CYP19A1: variants seen among roughly 807,000 people sequenced by gnomAD.
The protein encoded by CYP19A1 is cytochrome P450 family 19 subfamily A member 1.
In CYP19A1, 32 loss-of-function variants were observed where a neutral mutation model predicts 44.4. The observed-to-expected ratio is 0.72, with a 90% confidence interval of 0.54 to 0.97. The LOEUF is 0.97. CYP19A1 is among the 50% of genes least tolerant of loss of function. The pLI, the probability that CYP19A1 is intolerant of heterozygous loss-of-function variation, is 0.00. For missense variants in CYP19A1, 598 were observed against 637.8 expected, an observed-to-expected ratio of 0.94 and a Z score of 0.67; for synonymous variants, 212 against 215.6, an observed-to-expected ratio of 0.98 and a Z score of 0.14.
intron 1 of CYP19A1, among the ~76,000 whole-genome samples, chr15:51,331,565 T>C (rs2036701688): frequency 1.3e-5 from 2 of 152,030 alleles, no homozygotes; most frequent in African/African-American, 4.8e-5. Context: ...AGAGCATATG[T>C]ATTTGTATGA....
chr15:51,325,836 C>CAA (rs61378264), intron 1 of CYP19A1, among the ~76,000 whole-genome samples: 9 of 57,168 alleles, frequency 1.6e-4, no homozygotes, highest in Non-Finnish European at 2.4e-4. Flanking sequence ...GACTCCGTCT[C>CAA]AAAAAAAAAA....
chr15:51,212,927 C>T (rs1391276584), intron 8 of CYP19A1, among the ~76,000 whole-genome samples: 2 of 152,174 alleles, frequency 1.3e-5, no homozygotes, highest in Non-Finnish European at 2.9e-5. Flanking sequence ...AGACCACACC[C>T]AATCTGCTTC....
At chr15:51,237,704 G>A (rs183639584) in intron 2 of CYP19A1, among the ~76,000 whole-genome samples, 167 of 152,310 alleles carry the variant, frequency 1.1e-3, no homozygotes, top group Admixed American at 2.9e-3. Flanking sequence ...GGTTTTAGCC[G>A]AGAGTAGTGG....
intron 1 of CYP19A1, among the ~76,000 whole-genome samples, chr15:51,267,850 C>T (rs1364804601): frequency 6.6e-6 from 1 of 152,210 alleles, no homozygotes; most frequent in Non-Finnish European, 1.5e-5. Context: ...GAAGGGTCTT[C>T]CCTGTGCCCA....
intron 1 of CYP19A1, among the ~76,000 whole-genome samples, chr15:51,263,841 A>G (rs563431289): frequency 1.3e-5 from 2 of 152,382 alleles, no homozygotes; most frequent in East Asian, 3.9e-4. Flanking sequence ...AGAAAAGCAC[A>G]GTAAACCTGC....
intron 1 of CYP19A1, among the ~76,000 whole-genome samples, chr15:51,267,904 A>G (rs779042078): frequency 6.6e-6 from 1 of 152,188 alleles, no homozygotes; most frequent in Non-Finnish European, 1.5e-5. Context: ...CCTGAACGCC[A>G]CAACTGGTTG....
intron 1 of CYP19A1, among the ~76,000 whole-genome samples, chr15:51,296,040 A>G (rs2035989014): frequency 6.6e-6 from 1 of 152,098 alleles, no homozygotes; most frequent in Non-Finnish European, 1.5e-5. Flanking sequence ...TAGATTCCAG[A>G]GAAGGGAGGC....
intron 6 of CYP19A1, 198 bp downstream of exon 6, chr15:51,218,343 G>C (rs1038313836): frequency 2.1e-5 from 16 of 747,928 alleles, no homozygotes; most frequent in African/African-American, 1.9e-4. Flanking sequence ...CCAGCCAAAG[G>C]CTTCATTTAC....
intron 1 of CYP19A1, among the ~76,000 whole-genome samples, chr15:51,297,035 A>T (rs2036009013): frequency 6.6e-6 from 1 of 152,080 alleles, no homozygotes; most frequent in Non-Finnish European, 1.5e-5. Flanking sequence ...AGACTTTTTG[A>T]CTCAACTGTT....
At chr15:51,336,528 G>A (rs561269278) in intron 1 of CYP19A1, among the ~76,000 whole-genome samples, 1 of 152,102 alleles carries the variant, frequency 6.6e-6, no homozygotes, top group Non-Finnish European at 1.5e-5. Context: ...GGGTGGTGGG[G>A]CAGTAAAACC....
At chr15:51,225,563 A>G (rs764575952) in intron 4 of CYP19A1, among the ~76,000 whole-genome samples, 12 of 152,290 alleles carry the variant, frequency 7.9e-5, no homozygotes, top group African/African-American at 1.4e-4. Flanking sequence ...ACGCAAACCC[A>G]CAACCTGTAA....
chr15:51,257,728 C>G (rs2034566945), intron 1 of CYP19A1, among the ~76,000 whole-genome samples: 1 of 151,816 alleles, frequency 6.6e-6, no homozygotes, highest in Non-Finnish European at 1.5e-5. Context: ...TGCTGAGCCA[C>G]TTAAAAACAG....
chr15:51,285,156 G>A (rs1323555895), intron 1 of CYP19A1, among the ~76,000 whole-genome samples: 1 of 152,206 alleles, frequency 6.6e-6, no homozygotes, highest in East Asian at 1.9e-4. Context: ...CTTTCTGACT[G>A]AGTGCCTCTC....
intron 1 of CYP19A1, among the ~76,000 whole-genome samples, chr15:51,310,956 A>C (rs534502667): frequency 3.3e-5 from 5 of 152,364 alleles, no homozygotes; most frequent in African/African-American, 1.2e-4. Context: ...CTGCCTACAC[A>C]AGATGAGACA....
intron 1 of CYP19A1, among the ~76,000 whole-genome samples, chr15:51,272,633 G>T (rs766546201): frequency 1.3e-5 from 2 of 152,184 alleles, no homozygotes; most frequent in Non-Finnish European, 2.9e-5. Flanking sequence ...TATGTTTTTA[G>T]AACTGTCATC....
At chr15:51,248,697 C>CCAG (rs1411089608) in intron 1 of CYP19A1, among the ~76,000 whole-genome samples, 1 of 152,134 alleles carries the variant, frequency 6.6e-6, no homozygotes, top group Non-Finnish European at 1.5e-5. Context: ...AGAACAGTGT[C>CCAG]CAGGCCTTCA....
chr15:51,264,319 C>T (rs1174440045), intron 1 of CYP19A1, among the ~76,000 whole-genome samples: 2 of 151,974 alleles, frequency 1.3e-5, no homozygotes, highest in Non-Finnish European at 1.5e-5. Context: ...ACTGGGTAGT[C>T]AGGGCATTGG....
intron 1 of CYP19A1, among the ~76,000 whole-genome samples, chr15:51,275,554 G>C (rs1044232094): frequency 1.3e-5 from 2 of 152,186 alleles, no homozygotes; most frequent in Non-Finnish European, 1.5e-5. Context: ...CAAACTGCTG[G>C]ATCTGGCTTA....
intron 8 of CYP19A1, 174 bp downstream of exon 8, chr15:51,214,896 A>C: frequency 2.0e-6 from 2 of 1,020,490 alleles, no homozygotes; most frequent in Non-Finnish European, 2.8e-6. Context: ...GAACACAGAA[A>C]GAGCTATCTT....
Sources: gnomAD v4.1 joint callset for allele counts (sites outside exome capture counted in the v4.1 genomes callset) on GRCh38, gnomAD v4.1.1 for gene constraint, MANE v1.5 for transcripts, NCBI Gene and HGNC (gene_info 2026-07-23, HGNC 2026-07-21) for gene names.